Variants in ODAD3 observed in about 807,000 individuals in gnomAD.
The protein encoded by ODAD3 is outer dynein arm docking complex subunit 3, also known as outer dynein arm-docking complex subunit 3.
ODAD3 carries 57 observed loss-of-function variants against 70.9 expected under a neutral mutation model. The ratio of observed to expected loss-of-function variants is 0.80; its 90% CI spans 0.65 to 1.00. The LOEUF is 1.00. Among genes scored for constraint, ODAD3 ranks in the 50% least tolerant of loss-of-function variants. The pLI is 0.00. For synonymous variants in ODAD3, 327 were observed against 315.9 expected, an observed-to-expected ratio of 1.04 and a Z score of -0.37; for missense variants, 797 against 763.9, an observed-to-expected ratio of 1.04 and a Z score of -0.51.
intron 11 of ODAD3, among the ~76,000 whole-genome samples, 190 bp from the exon 12 acceptor site, chr19:11,421,402 C>G (rs529675521): frequency 7.9e-5 from 12 of 152,160 alleles, no homozygotes; most frequent in Non-Finnish European, 1.6e-4. Context: ...TCAGGTCCGC[C>G]CCTGGTCTCT....
At chr19:11,431,371 T>C (rs34092) in intron 1 of ODAD3, among the ~76,000 whole-genome samples, 28,098 of 151,602 alleles carry the variant, frequency 0.19, 4,064 homozygotes, top group African/African-American at 0.4. Flanking sequence ...CTAGGCCCCC[T>C]AAAGTCCTAG....
Position 11,425,271 on chromosome 19 carries a change from ATG to A in ODAD3, c.963+871_963+872del, listed in dbSNP as rs1453520465. Among the ~76,000 whole-genome samples the A allele has an allele frequency of 4.1e-4, 56 of 137,966 alleles. 4 individuals carry two copies. Among genetic ancestry groups the A allele is most frequent in the East Asian group, 1.1e-3 (5 of 4,636 alleles). The allele number at this position is 137,966 out of a possible 152,430, so 90.5% of individuals were successfully genotyped here. A position where few individuals can be genotyped will look rare whatever the true frequency, so the allele number is the denominator to read the frequency against. ...TATATGTATATGTACATATGTGTATATGTGTGTATATGTACATATGTGTATAT... is the reference window on the plus strand; with the variant it reads ...TATATGTATATGTACATATGTGTATATGTGTATATGTACATATGTGTATAT... On this transcript the variant is annotated intron_variant, in intron 7 of 12. Transcript: ENST00000356392.
At chr19:11,433,744 T>C (rs1017277775) in intron 1 of ODAD3, among the ~76,000 whole-genome samples, 3 of 151,904 alleles carry the variant, frequency 2.0e-5, no homozygotes, top group African/African-American at 7.3e-5. Context: ...CTGGGCAGCA[T>C]AGTGAGACCC....
At position 11,426,982 on chromosome 19, in the gene ODAD3, C is replaced by G; in HGVS notation, c.503G>C (p.Arg168Pro). Residue 168 changes from arginine to proline, a missense_variant, in exon 4 of 13, where the codon CGG becomes CCG. By Grantham distance (103) the Arg-to-Pro change is moderately radical. Coordinates refer to ENST00000356392, the MANE Select transcript of ODAD3 (RefSeq NM_145045.5). ...CCTCTGCCGCAACACCACCTGGTGC[C>G]GCAGGGCGTTCTGCTGCTTCACCTT... is the stretch of plus-strand genomic sequence containing the variant. ...REKVKQQNAL[R>P]HQVVLRQRRL... 1 of 1,606,600 alleles carries G rather than the reference C, an allele frequency of 6.2e-7. No homozygotes were observed. The highest frequency in any genetic ancestry group is 8.5e-7 in the Non-Finnish European group (1 of 1,179,540).
upstream of ODAD3, chr19:11,435,540 C>G (rs1969667744): frequency 1.9e-6 from 1 of 535,348 alleles, no homozygotes; most frequent in South Asian, 1.7e-5. Context: ...TGGCACCGCC[C>G]CCACTCCTGC....
intron 1 of ODAD3, chr19:11,434,520 G>A: frequency 3.8e-6 from 1 of 261,496 alleles, no homozygotes. Context: ...CCTGGCAACA[G>A]AGTGAGATTC....
rs937290981 is a variant in ODAD3 at position 11,434,772 on chromosome 19, C to A, written c.244+1G>T. The A allele has an allele frequency of 2.5e-6, 4 of 1,609,730 alleles. No individual in the cohort carries two copies. The highest frequency in any genetic ancestry group is 3.4e-6 in the Non-Finnish European group (4 of 1,176,960). The stretch of plus-strand genomic sequence containing the variant: ...CTCTGTACCCTCTGGAGCCATCTTA[C>A]CTAACAGTTGTATCTTTTTATGTAA... On this transcript the variant is annotated splice_donor_variant, in intron 1 of 12. Transcript: ENST00000356392. LOFTEE classifies it high-confidence loss of function.
chr19:11,426,099 T>C (rs1295384165), intron 7 of ODAD3, 45 bp downstream of exon 7: 1 of 1,587,730 alleles, frequency 6.3e-7, no homozygotes, highest in African/African-American at 1.3e-5. Flanking sequence ...TGGTTTGTGC[T>C]GGGCTGGGCT....
chr19:11,427,483 CTTTTTTT>C (rs376645668), intron 3 of ODAD3, among the ~76,000 whole-genome samples: 7 of 108,432 alleles, frequency 6.5e-5, no homozygotes, highest in African/African-American at 1.7e-4. Flanking sequence ...GTTTTCTTTT[CTTTTTTT>C]TTTTTTTTTG....
intron 1 of ODAD3, among the ~76,000 whole-genome samples, chr19:11,433,119 A>G: frequency 6.6e-6 from 1 of 152,182 alleles, no homozygotes; most frequent in Non-Finnish European, 1.5e-5. Flanking sequence ...TAATATCAAC[A>G]AAAGCAATAA....
chr19:11,428,851 G>GTGTTT (rs1969440983), intron 3 of ODAD3, among the ~76,000 whole-genome samples: 1 of 148,458 alleles, frequency 6.7e-6, no homozygotes, highest in Non-Finnish European at 1.5e-5. Context: ...TGCCTAGACT[G>GTGTTT]TGTTTTATTT....
rs1252205544 is a variant in ODAD3 at position 11,425,640 on chromosome 19, T to TGCATAC, written c.963+503_963+504insGTATGC. Reference sequence around the variant, plus strand: ...ATGCATATATGCATATATGTATATATATGTATATACGTATATATATATATA... The same window carrying TGCATAC: ...ATGCATATATGCATATATGTATATATGCATACATGTATATACGTATATATATATATA... On this transcript the variant is annotated intron_variant, in intron 7 of 12. Transcript: ENST00000356392. 3.6e-4 allele frequency among the ~76,000 whole-genome samples: 48 copies of TGCATAC among 133,426 alleles called. 4 individuals are homozygous for TGCATAC. Among genetic ancestry groups the TGCATAC allele is most frequent in the African/African-American group, 1.7e-3 (48 of 27,518 alleles). The allele number at this position is 133,426 out of a possible 152,430, so 87.5% of individuals were successfully genotyped here.
intron 7 of ODAD3, among the ~76,000 whole-genome samples, chr19:11,425,726 G>A (rs1341619958): frequency 2.2e-5 from 3 of 139,264 alleles, no homozygotes; most frequent in African/African-American, 9.7e-5. Flanking sequence ...AAAACAAAAA[G>A]GCAGGACAGG....
At chr19:11,433,383 T>C (rs1969542600) in intron 1 of ODAD3, among the ~76,000 whole-genome samples, 1 of 152,232 alleles carries the variant, frequency 6.6e-6, no homozygotes, top group Non-Finnish European at 1.5e-5. Flanking sequence ...CTTAGGACAT[T>C]GCCAAATGGC....
chr19:11,425,461 GTGTATATATGTATATATGTGTGTATATA>G lies in ODAD3; in HGVS notation c.963+655_963+682del, dbSNP rs1384541934. ...TATATGTATATATACATATATGTGT[GTGTATATATGTATATATGTGTGTATATA>G]TGTATATATGTATATATGTGTGTAT... On this transcript the variant is annotated intron_variant, in intron 7 of 12. Transcript: ENST00000356392. 4.3e-3 allele frequency among the ~76,000 whole-genome samples: 458 copies of G among 107,176 alleles called. 11 individuals carry two copies. The highest frequency in any genetic ancestry group is 6.1e-3 in the Middle Eastern group (1 of 164). The allele number at this position is 107,176 out of a possible 152,430, so 70.3% of individuals were successfully genotyped here. A position where few individuals can be genotyped will look rare whatever the true frequency, so the allele number is the denominator to read the frequency against.
rs899464294 is a variant in ODAD3, at chr19:11,426,226, C to G, written c.881G>C (p.Arg294Pro). 1.2e-6 allele frequency: 2 copies of G among 1,613,856 alleles called. No individual in the cohort carries two copies. The highest frequency in any genetic ancestry group is 2.7e-5 in the African/African-American group (2 of 74,990). The change falls in exon 7 of 13, where the codon CGC (arginine) becomes CCC (proline). Residue 294 changes from arginine (R) to proline (P), a missense_variant. Arg to Pro is a moderately radical substitution (Grantham distance 103). Transcript: ENST00000356392. ...QYLEETLVRE[R>P]KKRERYISEC... The stretch of plus-strand genomic sequence containing the variant: ...ACTTATGTAGCGTTCCCGCTTCTTG[C>G]GCTCTCGAACCAAGGTCTCCTCTAG...
chr19:11,433,819 C>T (rs1363444809), intron 1 of ODAD3, among the ~76,000 whole-genome samples: 2 of 151,982 alleles, frequency 1.3e-5, no homozygotes, highest in African/African-American at 4.8e-5. Flanking sequence ...CCCAGCTACT[C>T]AGGAGGCTGA....
chr19:11,420,605 C>T lies in ODAD3; in HGVS notation c.*230G>A. The T allele has an allele frequency of 1.7e-6, 1 of 577,866 alleles. No individual in the cohort carries two copies. The highest frequency in any genetic ancestry group is 3.1e-6 in the Non-Finnish European group (1 of 323,628). The allele number at this position is 577,866 out of a possible 1,614,324, so 35.8% of individuals were successfully genotyped here. ...TCAAAAACAGATGAATACCCAGGGG[C>T]ATGGTCGGTAACATTTATTGCGCAA... On this transcript the variant is annotated 3_prime_UTR_variant, in exon 13 of 13. Transcript: ENST00000356392.
Position 11,420,758 on chromosome 19 carries a change from G to C in ODAD3, c.*77C>G. On this transcript the variant is annotated 3_prime_UTR_variant, in exon 13 of 13. Transcript: ENST00000356392. Reference sequence around the variant, plus strand: ...CCGGGCCGCGTTCAGCCCCTGAAGGGGCCCCGTGGGGCCTGCGCTAGACCC... The same window carrying C: ...CCGGGCCGCGTTCAGCCCCTGAAGGCGCCCCGTGGGGCCTGCGCTAGACCC... 1 of 1,344,960 alleles carries C rather than the reference G, an allele frequency of 7.4e-7. No homozygotes were observed. The highest frequency in any genetic ancestry group is 1.4e-5 in the African/African-American group (1 of 69,612). 83.3% of individuals were successfully genotyped at this position (1,344,960 alleles called of 1,614,324 possible).
Sources: gnomAD v4.1 joint callset for allele counts (sites outside exome capture counted in the v4.1 genomes callset) on GRCh38, gnomAD v4.1.1 for gene constraint, MANE v1.5 for transcripts, NCBI Gene and HGNC (gene_info 2026-07-23, HGNC 2026-07-21) for gene names.